Variants in DENND5A observed in about 807,000 individuals in gnomAD.
The protein encoded by DENND5A is DENN domain-containing protein 5A.
DENND5A carries 64 observed loss-of-function variants against 140.3 expected under a neutral mutation model. The observed-to-expected ratio is 0.46, with a 90% CI of 0.37 to 0.56. The LOEUF is 0.56. Among genes scored for constraint, DENND5A ranks in the 20% least tolerant of loss-of-function variants. The pLI is 0.00. For missense variants in DENND5A, 1,292 were observed against 1,593.8 expected (o/e 0.81, Z 3.22); for synonymous variants, 605 against 607.7 (o/e 1.00, Z 0.07).
At chr11:9,171,051 CT>C in intron 8 of DENND5A, 1 of 389,240 alleles carries the variant, frequency 2.6e-6, no homozygotes. Flanking sequence ...CAGCTAACTG[CT>C]TAGAGAAAGC....
At chr11:9,221,470 A>T (rs1260570594) in intron 1 of DENND5A, among the ~76,000 whole-genome samples, 1 of 152,000 alleles carries the variant, frequency 6.6e-6, no homozygotes, top group Admixed American at 6.6e-5. Context: ...AAAACACTGA[A>T]TAGGTCCCAA....
At chr11:9,152,807 C>T (rs866556728) in intron 12 of DENND5A, among the ~76,000 whole-genome samples, 2 of 151,820 alleles carry the variant, frequency 1.3e-5, no homozygotes, top group South Asian at 4.2e-4. Flanking sequence ...AGTTCGATTC[C>T]AGCCTGGCCA....
At chr11:9,173,115 C>A (rs1273947883) in intron 8 of DENND5A, among the ~76,000 whole-genome samples, 1 of 151,888 alleles carries the variant, frequency 6.6e-6, no homozygotes, top group African/African-American at 2.4e-5. Flanking sequence ...AGTGAGCCAC[C>A]GCGCCTGGCC....
chr11:9,176,692 T>C, intron 8 of DENND5A: 1 of 300,342 alleles, frequency 3.3e-6, no homozygotes, highest in Non-Finnish European at 6.6e-6. Flanking sequence ...ACTGACTCAG[T>C]CTGGGGGCAT....
chr11:9,187,220 CT>C (rs1264994633), intron 5 of DENND5A, among the ~76,000 whole-genome samples: 3 of 152,188 alleles, frequency 2.0e-5, no homozygotes, highest in Non-Finnish European at 4.4e-5. Context: ...CAGAGGGGCT[CT>C]AGCACACAGA....
At chr11:9,166,964 G>A (rs1848211748) in intron 10 of DENND5A, among the ~76,000 whole-genome samples, 1 of 152,052 alleles carries the variant, frequency 6.6e-6, no homozygotes, top group African/African-American at 2.4e-5. Context: ...ACCAAGCTGA[G>A]AAGAATTTAA....
At chr11:9,142,248 T>C in intron 21 of DENND5A, 140 bp from the exon 22 acceptor site, 2 of 608,598 alleles carry the variant, frequency 3.3e-6, no homozygotes, top group Non-Finnish European at 2.7e-6. Context: ...ATGTCACTGG[T>C]CATGTTTCAA....
intron 11 of DENND5A, among the ~76,000 whole-genome samples, chr11:9,164,095 A>G (rs1327241357): frequency 1.3e-5 from 1 of 79,712 alleles, no homozygotes; most frequent in Admixed American, 2.0e-4. Flanking sequence ...TTTTTGAGAG[A>G]GGGTCTCATT....
intron 3 of DENND5A, 30 bp from the exon 4 acceptor site, chr11:9,204,347 G>A (rs779824523): frequency 5.0e-6 from 8 of 1,591,510 alleles, no homozygotes; most frequent in South Asian, 4.5e-5. Context: ...AACAAGCAGT[G>A]AGAACACTCA....
In DENND5A at chr11:9,199,006, G is replaced by A. The variant is rs1211423922; in HGVS notation, c.949+4654C>T. 1.5e-5 allele frequency among the ~76,000 whole-genome samples: 2 copies of A among 129,184 alleles called. 1 individual carries two copies. The highest frequency in any genetic ancestry group is 5.6e-5 in the African/African-American group (2 of 35,684). The allele number at this position is 129,184 out of a possible 152,430, so 84.7% of individuals were successfully genotyped here. On this transcript the variant is annotated intron_variant, in intron 4 of 22. Transcript: ENST00000328194. ...CAGGAGGCGGAGGTTGCAATGAGCCGAGATCATGCCACTGCATTCTAGCTT... is the reference window on the plus strand; with the variant it reads ...CAGGAGGCGGAGGTTGCAATGAGCCAAGATCATGCCACTGCATTCTAGCTT...
At chr11:9,211,329 A>G (rs189642536) in intron 1 of DENND5A, among the ~76,000 whole-genome samples, 6 of 152,304 alleles carry the variant, frequency 3.9e-5, no homozygotes, top group Non-Finnish European at 7.4e-5. Flanking sequence ...GCATGCATGG[A>G]GAAGACCCCA....
At chr11:9,217,489 G>C (rs1850140641) in intron 1 of DENND5A, among the ~76,000 whole-genome samples, 1 of 152,012 alleles carries the variant, frequency 6.6e-6, no homozygotes, top group Non-Finnish European at 1.5e-5. Flanking sequence ...ACTCCAGCCT[G>C]GGCAATAAGA....
At chr11:9,250,474 G>T (rs747026527) in intron 1 of DENND5A, among the ~76,000 whole-genome samples, 3 of 152,060 alleles carry the variant, frequency 2.0e-5, no homozygotes, top group Non-Finnish European at 4.4e-5. Context: ...CAAAGAGGTC[G>T]CACTACAGCT....
intron 1 of DENND5A, among the ~76,000 whole-genome samples, chr11:9,210,894 G>GA (rs1204272007): frequency 2.0e-5 from 3 of 152,128 alleles, no homozygotes; most frequent in South Asian, 4.1e-4. Flanking sequence ...ACTACAATGG[G>GA]AAAAAATTGA....
intron 8 of DENND5A, among the ~76,000 whole-genome samples, chr11:9,173,833 A>G (rs7120239): frequency 0.47 from 71,206 of 152,076 alleles, 17,995 homozygotes; most frequent in African/African-American, 0.65. Context: ...GGCCGGGTGC[A>G]GTGGCTCACG....
intron 1 of DENND5A, among the ~76,000 whole-genome samples, chr11:9,247,620 G>A (rs7946972): frequency 0.022 from 3,307 of 151,908 alleles, 118 homozygotes; most frequent in African/African-American, 0.076. Context: ...CAATATGAAC[G>A]ACCATGGCCC....
intron 1 of DENND5A, among the ~76,000 whole-genome samples, chr11:9,256,361 G>A (rs1184938988): frequency 6.6e-6 from 1 of 151,994 alleles, no homozygotes; most frequent in Non-Finnish European, 1.5e-5. Flanking sequence ...TCAGGAGGCT[G>A]AGGCAGGAGA....
chr11:9,187,680 C>A (rs1010949103), intron 5 of DENND5A, among the ~76,000 whole-genome samples: 2 of 152,082 alleles, frequency 1.3e-5, no homozygotes, highest in African/African-American at 2.4e-5. Flanking sequence ...CCTTTCTTTA[C>A]TCTAATATCC....
chr11:9,208,515 AAAGAG>A, intron 1 of DENND5A, among the ~76,000 whole-genome samples: 1 of 152,346 alleles, frequency 6.6e-6, no homozygotes, highest in African/African-American at 2.4e-5. Context: ...AAAGTTTCTA[AAAGAG>A]AAAAGTTTAT....
Sources: allele counts gnomAD v4.1 joint callset (sites outside exome capture counted in the v4.1 genomes callset), GRCh38; gene constraint gnomAD v4.1.1; transcripts MANE v1.5; gene names NCBI Gene and HGNC (gene_info 2026-07-23, HGNC 2026-07-21).